Variants in IQCJ observed in about 807,000 individuals in gnomAD.
The protein encoded by IQCJ is IQ motif containing J, also known as IQ domain-containing protein J.
IQCJ carries 9 observed loss-of-function variants against 11.0 expected under a neutral mutation model. That is an observed-to-expected ratio of 0.82 (90% confidence interval 0.49 to 1.43). The LOEUF (loss-of-function observed/expected upper bound fraction) is 1.43. Ranked by LOEUF, IQCJ falls within the 40% of genes most tolerant of loss-of-function variation. IQCJ has a pLI of 0.00. For missense variants in IQCJ, 146 were observed against 133.2 expected, an observed-to-expected ratio of 1.10 and a Z score of -0.47; for synonymous variants, 55 against 51.3, an observed-to-expected ratio of 1.07 and a Z score of -0.31.
intron 1 of IQCJ, among the ~76,000 whole-genome samples, chr3:159,180,456 T>C (rs1723031280): frequency 6.6e-6 from 1 of 150,458 alleles, no homozygotes; most frequent in Non-Finnish European, 1.5e-5. Context: ...ATATCTGCCA[T>C]TTAAAAATGA....
chr3:159,071,761 T>C (rs1715577842), intron 1 of IQCJ, among the ~76,000 whole-genome samples: 1 of 152,094 alleles, frequency 6.6e-6, no homozygotes, highest in African/African-American at 2.4e-5. Flanking sequence ...TGTCTCTAAG[T>C]ATGACCTCCT....
At chr3:159,112,867 A>G (rs1718723838) in intron 1 of IQCJ, among the ~76,000 whole-genome samples, 1 of 152,186 alleles carries the variant, frequency 6.6e-6, no homozygotes, top group Non-Finnish European at 1.5e-5. Flanking sequence ...AAAGAAATGG[A>G]AAGAGAAGGT....
chr3:159,262,160 G>A (rs116702869), intron 3 of IQCJ, among the ~76,000 whole-genome samples: 11 of 152,362 alleles, frequency 7.2e-5, no homozygotes, highest in Non-Finnish European at 1.5e-4. Flanking sequence ...TTGAGTGCAT[G>A]CAGTAGTAGT....
chr3:159,206,336 C>G (rs752401050), intron 1 of IQCJ, among the ~76,000 whole-genome samples: 16 of 152,186 alleles, frequency 1.1e-4, no homozygotes, highest in Non-Finnish European at 2.4e-4. Flanking sequence ...TTATGTGGTG[C>G]TGAATAGTTT....
intron 1 of IQCJ, among the ~76,000 whole-genome samples, chr3:159,219,128 G>A (rs186866107): frequency 1.4e-4 from 22 of 152,046 alleles, no homozygotes; most frequent in African/African-American, 3.4e-4. Flanking sequence ...GCCATGTAAG[G>A]TACCAAATTC....
At chr3:159,262,495 G>A (rs1328596900) in intron 3 of IQCJ, 53 bp from the exon 4 acceptor site, 1 of 1,582,050 alleles carries the variant, frequency 6.3e-7, no homozygotes, top group African/African-American at 1.4e-5. Context: ...TGTGGACCAT[G>A]ATCCAACAGT....
intron 1 of IQCJ, among the ~76,000 whole-genome samples, chr3:159,161,125 T>C (rs940477730): frequency 6.6e-6 from 1 of 152,020 alleles, no homozygotes; most frequent in African/African-American, 2.4e-5. Context: ...CCACAATAGT[T>C]GAACTAGTTT....
intron 1 of IQCJ, among the ~76,000 whole-genome samples, chr3:159,161,196 T>C (rs1263210817): frequency 6.6e-6 from 1 of 151,990 alleles, no homozygotes; most frequent in African/African-American, 2.4e-5. Context: ...AGCACCTGTT[T>C]CCTGACTTTT....
intron 1 of IQCJ, among the ~76,000 whole-genome samples, chr3:159,182,790 C>T (rs1482401938): frequency 3.0e-5 from 4 of 134,114 alleles, no homozygotes; most frequent in African/African-American, 8.4e-5. Context: ...TATTTTTTTT[C>T]ACAATGCTTT....
At chr3:159,190,272 T>A (rs1459101972) in intron 1 of IQCJ, among the ~76,000 whole-genome samples, 3 of 152,174 alleles carry the variant, frequency 2.0e-5, no homozygotes, top group African/African-American at 7.2e-5. Flanking sequence ...CAGCATATAA[T>A]CAAGAAAAAC....
At chr3:159,231,688 T>C (rs1192547191) in intron 1 of IQCJ, among the ~76,000 whole-genome samples, 2 of 152,162 alleles carry the variant, frequency 1.3e-5, no homozygotes, top group African/African-American at 4.8e-5. Flanking sequence ...TTGTTTGGAA[T>C]AGTTTCAGAA....
rs533800579 is a variant in IQCJ at position 159,130,479 on chromosome 3, A to G, written c.9+61038A>G. Among the ~76,000 whole-genome samples the G allele has an allele frequency of 1.6e-4, 25 of 152,300 alleles. 1 individual carries two copies. In the South Asian group the frequency reaches 5.0e-3, roughly 30 times the overall value. On this transcript the variant is annotated intron_variant, in intron 1 of 3. Coordinates refer to ENST00000397832, the MANE Select transcript of IQCJ (RefSeq NM_001042706.3). ...AGATAATATTTGACATAGAGCAACT[A>G]GAGATGTGAGTGCATTCTGGCCACA... is the stretch of plus-strand genomic sequence containing the variant.
intron 1 of IQCJ, among the ~76,000 whole-genome samples, chr3:159,223,516 G>A (rs1577092127): frequency 6.6e-6 from 1 of 151,990 alleles, no homozygotes. Context: ...ACGTATCCTT[G>A]AGAACTAAGA....
intron 1 of IQCJ, among the ~76,000 whole-genome samples, chr3:159,092,334 T>C (rs975486752): frequency 5.3e-5 from 8 of 151,860 alleles, no homozygotes; most frequent in African/African-American, 1.9e-4. Flanking sequence ...AACAGAAACA[T>C]AGCATCCAAA....
At chr3:159,154,140 G>A (rs1207555805) in intron 1 of IQCJ, among the ~76,000 whole-genome samples, 5 of 152,190 alleles carry the variant, frequency 3.3e-5, no homozygotes, top group African/African-American at 1.2e-4. Context: ...AAATTGTCAA[G>A]TTTTATGTGG....
At chr3:159,070,409 T>G (rs1404622701) in intron 1 of IQCJ, among the ~76,000 whole-genome samples, 1 of 152,102 alleles carries the variant, frequency 6.6e-6, no homozygotes, top group Non-Finnish European at 1.5e-5. Flanking sequence ...CATACTTAAT[T>G]GCTATTTCAA....
At chr3:159,092,769 T>G (rs77221002) in intron 1 of IQCJ, among the ~76,000 whole-genome samples, 12,617 of 148,802 alleles carry the variant, frequency 0.085, 973 homozygotes, top group East Asian at 0.35. Flanking sequence ...ATGTAAACTG[T>G]TATAAGATAA....
chr3:159,213,995 A>G (rs865908096), intron 1 of IQCJ, among the ~76,000 whole-genome samples: 13 of 152,152 alleles, frequency 8.5e-5, no homozygotes, highest in South Asian at 2.1e-4. Flanking sequence ...TTTTGTCTTT[A>G]TTCCTTTTTA....
chr3:159,075,738 G>A (rs761033568), intron 1 of IQCJ, among the ~76,000 whole-genome samples: 1 of 152,132 alleles, frequency 6.6e-6, no homozygotes, highest in Non-Finnish European at 1.5e-5. Context: ...GAAGCGATCT[G>A]TATGGACGAT....
Sources: allele counts gnomAD v4.1 joint callset (sites outside exome capture counted in the v4.1 genomes callset), GRCh38; gene constraint gnomAD v4.1.1; transcripts MANE v1.5; gene names NCBI Gene and HGNC (gene_info 2026-07-23, HGNC 2026-07-21).